Variants in NUP107 observed in about 807,000 individuals in gnomAD.
The protein encoded by NUP107 is nucleoporin 107, also known as nuclear pore complex protein Nup107.
A neutral mutation model predicts 141.0 loss-of-function variants in NUP107; 101 were observed. That is an observed-to-expected ratio of 0.72 (90% CI 0.61 to 0.84). The LOEUF is 0.84. NUP107 is among the 40% of genes least tolerant of loss of function. The pLI is 0.00. For missense variants in NUP107, 941 were observed against 1,102.7 expected (o/e 0.85, Z 2.08); for synonymous variants, 319 against 363.9 (o/e 0.88, Z 1.41).
At chr12:68,735,382 C>T in intron 26 of NUP107, 38 bp downstream of exon 26, 1 of 1,365,970 alleles carries the variant, frequency 7.3e-7, no homozygotes, top group Non-Finnish European at 1.0e-6. Context: ...AAAACCAAAA[C>T]ACTCACCATG....
chr12:68,742,255 A>G (rs1017598589), intron 27 of NUP107, 100 bp from the exon 28 acceptor site: 1 of 741,756 alleles, frequency 1.3e-6, no homozygotes, highest in Admixed American at 2.8e-5. Flanking sequence ...TTAAAGAGGC[A>G]TTTCTTCTTA....
rs530837907 is a variant in NUP107 at position 68,692,351 on chromosome 12, C to T, written c.448+239C>T. Among the ~76,000 whole-genome samples, 35 of 151,960 alleles carry T rather than the reference C, an allele frequency of 2.3e-4. No individual in the cohort carries two copies. In the South Asian group the frequency reaches 5.6e-3, roughly 24 times the overall value. On this transcript the variant is annotated intron_variant, in intron 5 of 27. Coordinates refer to ENST00000229179, the MANE Select transcript of NUP107 (RefSeq NM_020401.4). ...ATCCTAGCACTTTGAGAGGCCGAGG[C>T]GGGCAGATCACGAGGTCAGGAGTTC...
chr12:68,687,553 A>G (rs1875559939), intron 1 of NUP107: 1 of 991,134 alleles, frequency 1.0e-6, no homozygotes, highest in South Asian at 4.5e-5. Context: ...CCCTCGGGGA[A>G]TTAGTTGTGT....
chr12:68,733,950 T>C (rs1293262201), intron 24 of NUP107, among the ~76,000 whole-genome samples: 1 of 152,216 alleles, frequency 6.6e-6, no homozygotes. Context: ...AGGTTTGTTA[T>C]GACTAAAATA....
At chr12:68,729,002 C>T (rs1877696387) in intron 20 of NUP107, among the ~76,000 whole-genome samples, 1 of 152,098 alleles carries the variant, frequency 6.6e-6, no homozygotes, top group African/African-American at 2.4e-5. Flanking sequence ...TCACTACTGG[C>T]ACTTTGTATG....
intron 5 of NUP107, among the ~76,000 whole-genome samples, chr12:68,694,986 T>C (rs1875982012): frequency 6.6e-6 from 1 of 152,206 alleles, no homozygotes; most frequent in South Asian, 2.1e-4. Flanking sequence ...CATGAAAATA[T>C]ACTCAAATGT....
At chr12:68,692,919 T>G (rs943401624) in intron 5 of NUP107, among the ~76,000 whole-genome samples, 1 of 151,526 alleles carries the variant, frequency 6.6e-6, no homozygotes, top group Non-Finnish European at 1.5e-5. Context: ...CCGGCTAATT[T>G]TTGTATTTTT....
At chr12:68,726,435 T>C (rs901747721) in intron 18 of NUP107, 64 bp from the exon 19 acceptor site, 1 of 1,011,358 alleles carries the variant, frequency 9.9e-7, no homozygotes, top group Non-Finnish European at 1.6e-6. Context: ...ATGTTCTTGG[T>C]AATGTTTATT....
intron 19 of NUP107, 21 bp downstream of exon 19, chr12:68,726,638 T>A: frequency 7.1e-7 from 1 of 1,413,634 alleles, no homozygotes; most frequent in Non-Finnish European, 1.0e-6. Flanking sequence ...ATGAACGATT[T>A]CTTCTTCTCT....
chr12:68,707,941 C>A (rs1238271882), intron 8 of NUP107, among the ~76,000 whole-genome samples: 1 of 151,914 alleles, frequency 6.6e-6, no homozygotes, highest in Admixed American at 6.6e-5. Flanking sequence ...ACTAAAAATA[C>A]AAAAATTACC....
rs1222695464 is a variant in NUP107, at chr12:68,743,566, T to G, written c.*1104T>G. 1 of 152,168 alleles carries G rather than the reference T, an allele frequency of 6.6e-6. No individual in the cohort carries two copies. The highest frequency in any genetic ancestry group is 1.5e-5 in the Non-Finnish European group (1 of 68,024). 9.4% of individuals were successfully genotyped at this position (152,168 alleles called of 1,614,324 possible). On this transcript the variant is annotated 3_prime_UTR_variant, in exon 28 of 28. Coordinates refer to ENST00000229179, the MANE Select transcript of NUP107 (RefSeq NM_020401.4). ...GGCTCTATAGATTAAGAAATCAGTA[T>G]GAGCAAGAAATGATAAATGCTGGGC...
intron 15 of NUP107, among the ~76,000 whole-genome samples, 200 bp downstream of exon 15, chr12:68,721,377 G>T (rs530730139): frequency 2.0e-5 from 3 of 152,196 alleles, no homozygotes; most frequent in African/African-American, 7.2e-5. Flanking sequence ...AACATGCATG[G>T]TATTTTAATG....
chr12:68,731,679 A>G lies in NUP107; in HGVS notation c.1958A>G (p.His653Arg). The change falls in exon 22 of 28, where the codon CAT becomes CGT. Residue 653 changes from histidine (H) to arginine (R), a missense_variant. Transcript: ENST00000229179. ...IRKKDNGEFS[H>R]HDLAPALDTG... ...AAGAAAGATAATGGTGAATTTAGTC[A>G]TCATGACCTGGCCCCAGCCCTAGAT... 1.9e-6 allele frequency: 3 copies of G among 1,588,556 alleles called. No individual in the cohort carries two copies. The highest frequency in any genetic ancestry group is 2.6e-6 in the Non-Finnish European group (3 of 1,172,928).
At chr12:68,714,373 G>A (rs1367509328) in intron 11 of NUP107, 1 of 152,144 alleles carries the variant, frequency 6.6e-6, no homozygotes, top group Admixed American at 6.6e-5. Flanking sequence ...AAAGAAAATT[G>A]TTTGGAAACT....
intron 6 of NUP107, among the ~76,000 whole-genome samples, chr12:68,700,369 A>G (rs1176271161): frequency 6.6e-6 from 1 of 152,210 alleles, no homozygotes; most frequent in Non-Finnish European, 1.5e-5. Context: ...TTAAATTTTA[A>G]TTGCTAAAAT....
chr12:68,693,637 A>G (rs1592492008), intron 5 of NUP107, among the ~76,000 whole-genome samples: 1 of 152,158 alleles, frequency 6.6e-6, no homozygotes, highest in African/African-American at 2.4e-5. Context: ...TCTTCTGTCT[A>G]TAATATATTT....
In NUP107 at chr12:68,733,518, T is replaced by C. The variant is rs1377226361; in HGVS notation, c.2168T>C (p.Ile723Thr). 6.2e-7 allele frequency: 1 copy of C among 1,613,452 alleles called. No individual in the cohort carries two copies. Among genetic ancestry groups the C allele is most frequent in the East Asian group, 2.2e-5 (1 of 44,852 alleles). Residue 723 changes from isoleucine (I) to threonine (T), a missense_variant, in exon 24 of 28, where the codon ATC (isoleucine) becomes ACC (threonine). Ile to Thr is a moderately conservative substitution (Grantham distance 89). Transcript: ENST00000229179. ...VKIPQDSIAE[I>T]YNQCEEQGME... Reference sequence around the variant, plus strand: ...ATTCCTCAGGATTCTATAGCAGAAATCTATAATCAGTGCGAGGAACAAGGA... The same window carrying C: ...ATTCCTCAGGATTCTATAGCAGAAACCTATAATCAGTGCGAGGAACAAGGA...
chr12:68,718,604 G>A (rs1328067404), intron 12 of NUP107, among the ~76,000 whole-genome samples: 4 of 151,974 alleles, frequency 2.6e-5, no homozygotes, highest in African/African-American at 7.3e-5. Context: ...GTATTGTTAA[G>A]CCTAAAGTCA....
chr12:68,726,697 A>G (rs1284110724), intron 19 of NUP107, 80 bp downstream of exon 19: 1 of 885,202 alleles, frequency 1.1e-6, no homozygotes, highest in East Asian at 2.5e-5. Context: ...TACTTTTTTT[A>G]TTATTGTTTT....
Sources: gnomAD v4.1 joint callset for allele counts (sites outside exome capture counted in the v4.1 genomes callset) on GRCh38, gnomAD v4.1.1 for gene constraint, MANE v1.5 for transcripts, NCBI Gene and HGNC (gene_info 2026-07-23, HGNC 2026-07-21) for gene names.